SBK1: variants seen among roughly 807,000 people sequenced by gnomAD.
The protein encoded by SBK1 is SH3 domain binding kinase 1.
A neutral mutation model predicts 24.4 loss-of-function variants in SBK1; 11 were observed. The observed-to-expected ratio is 0.45, with a 90% CI of 0.28 to 0.75. SBK1 has a LOEUF of 0.75. Among genes scored for constraint, SBK1 ranks in the 30% least tolerant of loss-of-function variants. The probability of loss-of-function intolerance (pLI) is 0.12; values close to 1 mark genes in which losing one functional copy is unlikely to be tolerated. For missense variants in SBK1, 467 were observed against 620.5 expected, an observed-to-expected ratio of 0.75 and a Z score of 2.63; for synonymous variants, 308 against 284.4, an observed-to-expected ratio of 1.08 and a Z score of -0.83.
chr16:28,261,428 T>TACACACACACACACACACAC (rs35296302), intron 1 of SBK1, among the ~76,000 whole-genome samples: 1 of 124,580 alleles, frequency 8.0e-6, no homozygotes, highest in African/African-American at 3.2e-5. Context: ...GACTCCCGTC[T>TACACACACACACACACACAC]ACACACACAC....
intron 1 of SBK1, among the ~76,000 whole-genome samples, chr16:28,275,415 T>C (rs1597012012): frequency 2.0e-5 from 3 of 152,110 alleles, no homozygotes; most frequent in Non-Finnish European, 2.9e-5. Flanking sequence ...TCTATATGTA[T>C]ATAAGAAGAG....
In SBK1 at chr16:28,321,182, AACACAC is replaced by A. The variant is rs55860114; in HGVS notation, c.*312_*317del. The A allele has an allele frequency of 0.021, 3,992 of 191,554 alleles. 78 individuals carry two copies. Among genetic ancestry groups the A allele is most frequent in the African/African-American group, 0.039 (1,274 of 32,416 alleles). 11.9% of individuals were successfully genotyped at this position (191,554 alleles called of 1,614,324 possible). ...CCCGAGAATTCGGAGGCCACCACAC[AACACAC>A]ACACACACACACACACACACACACA... On this transcript the variant is annotated 3_prime_UTR_variant, in exon 4 of 4. Coordinates refer to ENST00000341901, the MANE Select transcript of SBK1 (RefSeq NM_001024401.3).
At chr16:28,285,604 C>T (rs891129129) in intron 1 of SBK1, 1 of 152,218 alleles carries the variant, frequency 6.6e-6, no homozygotes, top group Non-Finnish European at 1.5e-5. Flanking sequence ...CTATTATACT[C>T]CCCGCACCAG....
intron 1 of SBK1, among the ~76,000 whole-genome samples, chr16:28,278,258 A>G (rs1315016130): frequency 1.3e-5 from 2 of 152,304 alleles, no homozygotes; most frequent in South Asian, 2.1e-4. Flanking sequence ...ACTTTGGGGC[A>G]GGGGAGAGCA....
intron 2 of SBK1, among the ~76,000 whole-genome samples, chr16:28,318,674 C>T (rs1336576364): frequency 6.6e-6 from 1 of 152,180 alleles, no homozygotes; most frequent in Admixed American, 6.5e-5. Context: ...TAGGGAGACC[C>T]GTTCTAGATG....
chr16:28,274,478 C>T (rs1410964681), intron 1 of SBK1, among the ~76,000 whole-genome samples: 3 of 151,958 alleles, frequency 2.0e-5, no homozygotes, highest in African/African-American at 7.3e-5. Flanking sequence ...GGTGAAACCC[C>T]GTCTCTACTA....
chr16:28,292,752 G>GC lies in SBK1; in HGVS notation c.-551dup. 20 of 985,086 alleles carry GC rather than the reference G, an allele frequency of 2.0e-5. No homozygotes were observed. The highest frequency in any genetic ancestry group is 2.4e-5 in the Non-Finnish European group (20 of 829,712). 61.0% of individuals were successfully genotyped at this position (985,086 alleles called of 1,614,324 possible). On this transcript the variant is annotated 5_prime_UTR_variant, in exon 1 of 4. Transcript: ENST00000341901. ...CCCCCGCAGCCGAGGAGTGCGGGGA[G>GC]CCCCCTTCCACATCCAGGATCCGGC...
At position 28,266,914 on chromosome 16, in the gene SBK1, A is replaced by AT. The variant is rs546482374; in HGVS notation, c.257+7422dup. Among the ~76,000 whole-genome samples the AT allele has an allele frequency of 2.9e-3, 429 of 147,692 alleles. 2 individuals are homozygous for AT. Among genetic ancestry groups the AT allele is most frequent in the African/African-American group, 0.01 (409 of 40,198 alleles). On this transcript the variant is annotated intron_variant, in intron 1 of 3. Coordinates refer to the SBK1 transcript ENST00000671413. ...CGCCACACACCACGGCTAATTTTAA[A>AT]TTTTTTTTTTCAGACAGAGTCTCAC...
At chr16:28,284,247 C>A (rs1314146205) in intron 1 of SBK1, among the ~76,000 whole-genome samples, 1 of 152,232 alleles carries the variant, frequency 6.6e-6, no homozygotes, top group African/African-American at 2.4e-5. Flanking sequence ...ATCATTAAAG[C>A]CAGCCCCCTA....
intron 1 of SBK1, among the ~76,000 whole-genome samples, chr16:28,261,428 TAC>T (rs35296302): frequency 0.24 from 29,924 of 123,822 alleles, 3,328 homozygotes; most frequent in East Asian, 0.27. Flanking sequence ...GACTCCCGTC[TAC>T]ACACACACAC....
In SBK1 at chr16:28,259,782, G is replaced by A. The variant is rs4073091; in HGVS notation, c.257+280G>A. 0.03 allele frequency among the ~76,000 whole-genome samples: 4,588 copies of A among 152,088 alleles called. 229 individuals carry two copies. Among genetic ancestry groups the A allele is most frequent in the African/African-American group, 0.11 (4,361 of 41,454 alleles). ...GAGCCCTCCATGGCTCCCAGCTCCC[G>A]TGGGATAAAGTTAACACTCGGCTGA... On this transcript the variant is annotated intron_variant, in intron 1 of 3. Coordinates refer to the SBK1 transcript ENST00000671413. The surrounding 1 kb of genome is among the most constrained non-coding windows in gnomAD (Gnocchi z 6.0).
chr16:28,320,667 G>C lies in SBK1; in HGVS notation c.1021G>C (p.Gly341Arg). ...KPPGDRPPAA[G>R]PLRLEAPGPL... is the part of the protein sequence containing the mutation. ...CCCCGGGGACCGCCCGCCCGCCGCC[G>C]GGCCACTGCGCCTCGAGGCGCCTGG... is the stretch of plus-strand genomic sequence containing the variant. The change falls in exon 4 of 4, where the codon GGG becomes CGG. Residue 341 changes from glycine (G) to arginine (R), a missense_variant. Transcript: ENST00000341901. The surrounding 1 kb of genome is among the most constrained non-coding windows in gnomAD (Gnocchi z 8.5). The C allele has an allele frequency of 9.2e-7, 1 of 1,086,054 alleles. No individual in the cohort carries two copies. Among genetic ancestry groups the C allele is most frequent in the East Asian group, 5.9e-5 (1 of 17,048 alleles). 67.3% of individuals were successfully genotyped at this position (1,086,054 alleles called of 1,614,324 possible).
At chr16:28,295,998 T>C (rs1237020648) in intron 1 of SBK1, among the ~76,000 whole-genome samples, 2 of 146,322 alleles carry the variant, frequency 1.4e-5, no homozygotes, top group East Asian at 2.0e-4. Context: ...AGATCTCGGC[T>C]CACTACAACC....
chr16:28,292,610 G>A lies in SBK1; in HGVS notation c.-698G>A. ...AGCGCGAGCTGGAGCCGCAGCCGGA[G>A]CCCGGGCCAGGCCGGGGGCCGGGAG... On this transcript the variant is annotated 5_prime_UTR_variant, in exon 1 of 4. Transcript: ENST00000341901. 2 of 981,738 alleles carry A rather than the reference G, an allele frequency of 2.0e-6. No individual in the cohort carries two copies. The highest frequency in any genetic ancestry group is 2.4e-6 in the Non-Finnish European group (2 of 828,264). The allele number at this position is 981,738 out of a possible 1,614,324, so 60.8% of individuals were successfully genotyped here.
Position 28,293,042 on chromosome 16 carries a change from G to A in SBK1, c.-266G>A. 5 of 985,664 alleles carry A rather than the reference G, an allele frequency of 5.1e-6. No homozygotes were observed. The highest frequency in any genetic ancestry group is 6.0e-6 in the Non-Finnish European group (5 of 830,020). The allele number at this position is 985,664 out of a possible 1,614,324, so 61.1% of individuals were successfully genotyped here. A position where few individuals can be genotyped will look rare whatever the true frequency, so the allele number is the denominator to read the frequency against. Reference sequence around the variant, plus strand: ...CCCAGCTCAGAACGCCCCTAGATCAGGGGATCCCAATTCCCCCCAACTCCG... The same window carrying A: ...CCCAGCTCAGAACGCCCCTAGATCAAGGGATCCCAATTCCCCCCAACTCCG... On this transcript the variant is annotated 5_prime_UTR_variant, in exon 1 of 4. Transcript: ENST00000341901.
In SBK1 at chr16:28,320,970, GCCGGTGC is replaced by G. The variant is rs758130778; in HGVS notation, c.*57_*63del. 3.1e-5 allele frequency: 42 copies of G among 1,342,372 alleles called. 1 individual carries two copies. The East Asian group carries it at 4.7e-4, about 15-fold the overall frequency. 83.2% of individuals were successfully genotyped at this position (1,342,372 alleles called of 1,614,324 possible). ...CGGGAGCAGCCCGGGCCCGCCCCGAGCCGGTGCCCGGTGCGGCGGTAGGGAATGGAGC... is the reference window on the plus strand; with the variant it reads ...CGGGAGCAGCCCGGGCCCGCCCCGAGCCGGTGCGGCGGTAGGGAATGGAGC... On this transcript the variant is annotated 3_prime_UTR_variant, in exon 4 of 4. Coordinates refer to ENST00000341901, the MANE Select transcript of SBK1 (RefSeq NM_001024401.3). The surrounding 1 kb of genome is among the most constrained non-coding windows in gnomAD (Gnocchi z 8.5).
chr16:28,313,384 G>T (rs2044767782), intron 1 of SBK1, among the ~76,000 whole-genome samples: 1 of 151,800 alleles, frequency 6.6e-6, no homozygotes, highest in Non-Finnish European at 1.5e-5. Flanking sequence ...ATTGCTTGAG[G>T]TCAGGAATTC....
At chr16:28,308,729 G>GCGTTCTT (rs1486088023) in intron 1 of SBK1, among the ~76,000 whole-genome samples, 1 of 145,832 alleles carries the variant, frequency 6.9e-6, no homozygotes, top group Admixed American at 7.0e-5. Context: ...ATCGTGCCTG[G>GCGTTCTT]CGTTCTTTGG....
At position 28,321,761 on chromosome 16, in the gene SBK1, G is replaced by A. The variant is rs1567682402; in HGVS notation, c.*840G>A. 2 of 152,490 alleles carry A rather than the reference G, an allele frequency of 1.3e-5. No individual in the cohort carries two copies. The highest frequency in any genetic ancestry group is 2.9e-5 in the Non-Finnish European group (2 of 68,100). The allele number at this position is 152,490 out of a possible 1,614,324, so 9.4% of individuals were successfully genotyped here. ...CTTGTGGGGATAGAAGGGCTCACAGGGCAGGGGTCTCAGCTGCCCCCATCC... is the reference window on the plus strand; with the variant it reads ...CTTGTGGGGATAGAAGGGCTCACAGAGCAGGGGTCTCAGCTGCCCCCATCC... On this transcript the variant is annotated 3_prime_UTR_variant, in exon 4 of 4. Transcript: ENST00000341901.
Sources: allele counts gnomAD v4.1 joint callset (sites outside exome capture counted in the v4.1 genomes callset), GRCh38; gene constraint gnomAD v4.1.1; non-coding constraint Gnocchi (gnomAD v3.1); transcripts MANE v1.5; gene names NCBI Gene and HGNC (gene_info 2026-07-23, HGNC 2026-07-21).